MYO3B: variants seen among roughly 807,000 people sequenced by gnomAD.
MYO3B encodes myosin-IIIb.
In MYO3B, 156 loss-of-function variants were observed where a neutral mutation model predicts 174.6. That is an observed-to-expected ratio of 0.89 (90% CI 0.78 to 1.02). The LOEUF (loss-of-function observed/expected upper bound fraction) is 1.02. Among genes scored for constraint, MYO3B ranks in the 50% least tolerant of loss-of-function variants. The pLI is 0.00. For synonymous variants in MYO3B, 563 were observed against 569.1 expected, an observed-to-expected ratio of 0.99 and a Z score of 0.15; for missense variants, 1,632 against 1,639.4, an observed-to-expected ratio of 1.00 and a Z score of 0.08.
At chr2:170,367,362 T>C (rs944790285) in intron 8 of MYO3B, among the ~76,000 whole-genome samples, 2 of 152,196 alleles carry the variant, frequency 1.3e-5, no homozygotes, top group African/African-American at 2.4e-5. Flanking sequence ...GCCTATTTGG[T>C]GATGAGAAAC....
At chr2:170,414,977 A>G (rs1364247039) in intron 22 of MYO3B, among the ~76,000 whole-genome samples, 1 of 152,160 alleles carries the variant, frequency 6.6e-6, no homozygotes, top group African/African-American at 2.4e-5. Context: ...TTGTTTTTGT[A>G]GATTCCTTGG....
intron 30 of MYO3B, among the ~76,000 whole-genome samples, chr2:170,538,499 G>T (rs1689871364): frequency 6.6e-6 from 1 of 152,198 alleles, no homozygotes; most frequent in South Asian, 2.1e-4. Context: ...GAGCCAGCTG[G>T]CCTCATGGAT....
intron 1 of MYO3B, among the ~76,000 whole-genome samples, chr2:170,189,092 C>T (rs995189622): frequency 1.3e-5 from 2 of 151,980 alleles, no homozygotes; most frequent in African/African-American, 4.8e-5. Context: ...TTTTTCCTTC[C>T]TGTTTGAAGG....
intron 7 of MYO3B, among the ~76,000 whole-genome samples, chr2:170,319,103 A>G (rs1411715196): frequency 6.6e-6 from 1 of 152,208 alleles, no homozygotes; most frequent in Non-Finnish European, 1.5e-5. Context: ...GCAAAAGGTT[A>G]TTGGGATGCT....
At chr2:170,364,216 C>T (rs1005581460) in intron 8 of MYO3B, among the ~76,000 whole-genome samples, 1 of 151,966 alleles carries the variant, frequency 6.6e-6, no homozygotes, top group African/African-American at 2.4e-5. Context: ...ATTTGTGGGG[C>T]CCAAACAAAC....
At chr2:170,237,538 G>A (rs1253027288) in intron 7 of MYO3B, among the ~76,000 whole-genome samples, 1 of 150,946 alleles carries the variant, frequency 6.6e-6, no homozygotes, top group Non-Finnish European at 1.5e-5. Flanking sequence ...TTTGGCGGGG[G>A]GGAGGGGGGT....
At chr2:170,179,415 C>T (rs796751277) in intron 1 of MYO3B, among the ~76,000 whole-genome samples, 1 of 152,240 alleles carries the variant, frequency 6.6e-6, no homozygotes, top group Non-Finnish European at 1.5e-5. Flanking sequence ...GTTTGAATGT[C>T]CCCTCCAAAG....
chr2:170,496,103 G>A (rs898743947), intron 25 of MYO3B, among the ~76,000 whole-genome samples: 1 of 152,146 alleles, frequency 6.6e-6, no homozygotes, highest in African/African-American at 2.4e-5. Context: ...ATCTGGTCTT[G>A]GCTACTGTTC....
chr2:170,646,377 T>C (rs1698377634), intron 32 of MYO3B, among the ~76,000 whole-genome samples: 1 of 152,064 alleles, frequency 6.6e-6, no homozygotes, highest in Non-Finnish European at 1.5e-5. Flanking sequence ...GTTGCTTAGT[T>C]CTGGGGGTTT....
chr2:170,407,006 C>A (rs570640410), intron 21 of MYO3B, among the ~76,000 whole-genome samples: 1 of 152,114 alleles, frequency 6.6e-6, no homozygotes, highest in Admixed American at 6.6e-5. Flanking sequence ...AATGTGTGAC[C>A]GTGGGCACAT....
intron 32 of MYO3B, among the ~76,000 whole-genome samples, chr2:170,546,972 C>T (rs1297114102): frequency 1.3e-5 from 2 of 152,046 alleles, no homozygotes; most frequent in Non-Finnish European, 2.9e-5. Flanking sequence ...TTAGAGCAGC[C>T]ACTCAAATAA....
chr2:170,649,958 T>C (rs1698876047), intron 32 of MYO3B: 1 of 149,436 alleles, frequency 6.7e-6, no homozygotes, highest in East Asian at 1.9e-4. Flanking sequence ...TTCAATTTTA[T>C]GGGCCTCAGT....
At chr2:170,306,704 C>T (rs1421571921) in intron 7 of MYO3B, among the ~76,000 whole-genome samples, 1 of 152,112 alleles carries the variant, frequency 6.6e-6, no homozygotes, top group Non-Finnish European at 1.5e-5. Context: ...AAACTGCTGT[C>T]GTTCTGGCCC....
intron 32 of MYO3B, among the ~76,000 whole-genome samples, chr2:170,629,057 A>G (rs1696711704): frequency 6.6e-6 from 1 of 152,176 alleles, no homozygotes; most frequent in Non-Finnish European, 1.5e-5. Context: ...CCATACCCAC[A>G]GTGTTCTGTC....
intron 8 of MYO3B, among the ~76,000 whole-genome samples, chr2:170,366,704 C>G (rs2094201185): frequency 6.6e-6 from 1 of 152,160 alleles, no homozygotes; most frequent in African/African-American, 2.4e-5. Context: ...GTCTAATTCT[C>G]TGACTTCATT....
intron 30 of MYO3B, among the ~76,000 whole-genome samples, chr2:170,522,685 C>A (rs1688759629): frequency 6.6e-6 from 1 of 152,222 alleles, no homozygotes; most frequent in Non-Finnish European, 1.5e-5. Flanking sequence ...CCCTAATACA[C>A]CTTATGGCTA....
chr2:170,626,646 T>C (rs1052417409), intron 32 of MYO3B, among the ~76,000 whole-genome samples: 2 of 152,212 alleles, frequency 1.3e-5, no homozygotes, highest in Non-Finnish European at 1.5e-5. Flanking sequence ...CGAGGATAGA[T>C]GGTCTTTACA....
chr2:170,465,669 G>A (rs556728239), intron 24 of MYO3B, among the ~76,000 whole-genome samples: 4 of 152,226 alleles, frequency 2.6e-5, no homozygotes, highest in African/African-American at 7.2e-5. Context: ...CTCTGGCTAC[G>A]GTTTTTCAGA....
chr2:170,236,144 A>G lies in MYO3B; in HGVS notation c.749+8A>G, dbSNP rs1325739443. The G allele has an allele frequency of 6.2e-7, 1 of 1,614,176 alleles. No individual in the cohort carries two copies. The highest frequency in any genetic ancestry group is 8.5e-7 in the Non-Finnish European group (1 of 1,180,006). On this transcript the variant is annotated splice_region_variant and intron_variant, in intron 7 of 34. Transcript: ENST00000408978. ...ACTCTTTAAGATTCCAAGGTAAGAC[A>G]CAAGATGGCGCTCTTGACTCATTAG...
Sources: gnomAD v4.1 joint callset for allele counts (sites outside exome capture counted in the v4.1 genomes callset) on GRCh38, gnomAD v4.1.1 for gene constraint, MANE v1.5 for transcripts, NCBI Gene and HGNC (gene_info 2026-07-23, HGNC 2026-07-21) for gene names.